The following HORMAD2 variants were observed in gnomAD, a reference collection of about 807,000 sequenced individuals.
HORMAD2 encodes HORMA domain containing 2.
HORMAD2 carries 45 observed loss-of-function variants against 38.8 expected under a neutral mutation model. The observed-to-expected ratio is 1.16, with a 90% CI of 0.91 to 1.49. The LOEUF is 1.49. Ranked by LOEUF, HORMAD2 falls within the 40% of genes most tolerant of loss-of-function variation. The pLI is 0.00. For synonymous variants in HORMAD2, 126 were observed against 122.8 expected (o/e 1.03, Z -0.17); for missense variants, 338 against 367.0 (o/e 0.92, Z 0.65).
chr22:30,173,014 G>GC (rs1926210544), intron 10 of HORMAD2, among the ~76,000 whole-genome samples: 1 of 152,190 alleles, frequency 6.6e-6, no homozygotes, highest in Non-Finnish European at 1.5e-5. Flanking sequence ...AGCTGTGGGG[G>GC]TGTCAGGGAA....
downstream of HORMAD2, among the ~76,000 whole-genome samples, chr22:30,178,691 A>G (rs1360432949): frequency 6.6e-6 from 1 of 152,252 alleles, no homozygotes; most frequent in Non-Finnish European, 1.5e-5. Flanking sequence ...CCATGCTGGG[A>G]TGCCTGAGCT....
the HORMAD2 span, among the ~76,000 whole-genome samples, chr22:30,193,159 A>G: frequency 6.6e-6 from 1 of 152,228 alleles, no homozygotes; most frequent in Admixed American, 6.5e-5. Context: ...ATGGAGAAAT[A>G]TGTCTTAACC....
rs764536571 is a variant in HORMAD2 at position 30,104,438 on chromosome 22, G to T, written c.294+1G>T. 3.1e-6 allele frequency: 5 copies of T among 1,605,118 alleles called. No homozygotes were observed. Among genetic ancestry groups the T allele is most frequent in the Non-Finnish European group, 4.3e-6 (5 of 1,173,724 alleles). ...TTTTGATGCTTTGGAAAAGAGATACGTAAGAATGTTTTTACACTTACACTG... is the reference window on the plus strand; with the variant it reads ...TTTTGATGCTTTGGAAAAGAGATACTTAAGAATGTTTTTACACTTACACTG... On this transcript the variant is annotated splice_donor_variant, in intron 5 of 10. Transcript: ENST00000336726. LOFTEE classifies it high-confidence loss of function.
At chr22:30,097,287 C>T (rs2068799438) in intron 2 of HORMAD2, among the ~76,000 whole-genome samples, 2 of 152,214 alleles carry the variant, frequency 1.3e-5, no homozygotes, top group South Asian at 4.1e-4. Flanking sequence ...TCTTGGTAGA[C>T]ACCCCTTACA....
intron 10 of HORMAD2, among the ~76,000 whole-genome samples, chr22:30,125,755 C>T (rs1016762145): frequency 6.6e-6 from 1 of 151,860 alleles, no homozygotes; most frequent in Non-Finnish European, 1.5e-5. Context: ...TGAAATAGAC[C>T]AGACTTTCTT....
At chr22:30,137,303 C>T (rs1344762467) in intron 10 of HORMAD2, 1 of 522,538 alleles carries the variant, frequency 1.9e-6, no homozygotes, top group Non-Finnish European at 3.7e-6. Context: ...ATTTTGATTC[C>T]TTGAGTCCTG....
chr22:30,080,147 C>T (rs2068442302), upstream of HORMAD2: 1 of 152,400 alleles, frequency 6.6e-6, no homozygotes, highest in Admixed American at 6.5e-5. Flanking sequence ...GCAGGCACCT[C>T]CTCAGGAAGC....
chr22:30,181,263 C>G (rs1569125942), downstream of HORMAD2, among the ~76,000 whole-genome samples: 1 of 152,110 alleles, frequency 6.6e-6, no homozygotes, highest in Admixed American at 6.5e-5. Flanking sequence ...ATCTGCCCAC[C>G]AAAAGTGCTG....
intron 10 of HORMAD2, among the ~76,000 whole-genome samples, chr22:30,139,165 C>T (rs897435429): frequency 6.6e-6 from 1 of 150,652 alleles, no homozygotes; most frequent in Non-Finnish European, 1.5e-5. Flanking sequence ...CCTGCTGGTT[C>T]ACACTGTAGA....
chr22:30,155,038 A>C (rs1471375279), intron 10 of HORMAD2, among the ~76,000 whole-genome samples: 1 of 151,018 alleles, frequency 6.6e-6, no homozygotes, highest in African/African-American at 2.4e-5. Flanking sequence ...ACACCACTAC[A>C]CTCCAGCCTG....
chr22:30,088,978 G>A lies in HORMAD2; in HGVS notation c.-37-4938G>A, dbSNP rs539335963. Among the ~76,000 whole-genome samples the A allele has an allele frequency of 2.7e-4, 41 of 152,122 alleles. No homozygotes were observed. In the South Asian group the frequency reaches 8.1e-3, roughly 30 times the overall value. Reference sequence around the variant, plus strand: ...GTCTCAAATCAAGTAAAGATAGCTTGGAATCTTTAAGGGTTAAAGAACTAT... The same window carrying A: ...GTCTCAAATCAAGTAAAGATAGCTTAGAATCTTTAAGGGTTAAAGAACTAT... On this transcript the variant is annotated intron_variant, in intron 1 of 10. Transcript: ENST00000336726.
Position 30,086,856 on chromosome 22 carries a change from G to A in HORMAD2, c.-38+6365G>A, listed in dbSNP as rs931075037. ...GTTGCCCAGGCTGGAATGCAATGGC[G>A]TGATCTTGGCTCACTGCAACCTCCA... On this transcript the variant is annotated intron_variant, in intron 1 of 10. Coordinates refer to ENST00000336726, the MANE Select transcript of HORMAD2 (RefSeq NM_152510.4). 3.3e-5 allele frequency among the ~76,000 whole-genome samples: 5 copies of A among 152,272 alleles called. No individual in the cohort carries two copies. In the South Asian group the frequency reaches 6.2e-4, roughly 19 times the overall value.
At chr22:30,100,447 A>G (rs969596961) in intron 3 of HORMAD2, among the ~76,000 whole-genome samples, 1 of 152,260 alleles carries the variant, frequency 6.6e-6, no homozygotes, top group African/African-American at 2.4e-5. Flanking sequence ...AGATGGATTA[A>G]AGACTTAAAT....
the HORMAD2 span, among the ~76,000 whole-genome samples, chr22:30,186,559 C>G: frequency 6.6e-6 from 1 of 151,984 alleles, no homozygotes; most frequent in Non-Finnish European, 1.5e-5. Context: ...TGTGAAGACC[C>G]TCTTACTGAT....
intron 10 of HORMAD2, among the ~76,000 whole-genome samples, chr22:30,142,676 T>C (rs936969977): frequency 1.3e-5 from 2 of 152,242 alleles, no homozygotes; most frequent in Non-Finnish European, 1.5e-5. Flanking sequence ...TCATGTTTAA[T>C]GTTACTATTG....
At chr22:30,175,981 C>A in intron 10 of HORMAD2, 82 bp from the exon 11 acceptor site, 1 of 902,636 alleles carries the variant, frequency 1.1e-6, no homozygotes. Context: ...GGGATTAATG[C>A]TTGGTCTACC....
chr22:30,093,915 G>A lies in HORMAD2; in HGVS notation c.-37-1G>A. 6.8e-7 allele frequency: 1 copy of A among 1,463,724 alleles called. No individual in the cohort carries two copies. The highest frequency in any genetic ancestry group is 9.5e-7 in the Non-Finnish European group (1 of 1,056,588). 90.7% of individuals were successfully genotyped at this position (1,463,724 alleles called of 1,614,324 possible). ...CTAATTAATTAATTATTTTTTAATAGGTTGGACTTGTTGAAATAATCCTGA... is the reference window on the plus strand; with the variant it reads ...CTAATTAATTAATTATTTTTTAATAAGTTGGACTTGTTGAAATAATCCTGA... On this transcript the variant is annotated splice_acceptor_variant, in intron 1 of 10. Transcript: ENST00000336726. LOFTEE classifies it low-confidence loss of function (5UTR_SPLICE).
intron 10 of HORMAD2, among the ~76,000 whole-genome samples, chr22:30,143,281 C>G (rs372803731): frequency 3.9e-5 from 6 of 152,142 alleles, no homozygotes; most frequent in Non-Finnish European, 7.3e-5. Context: ...TTTGTTTTCT[C>G]AAGTCGGTTT....
At chr22:30,145,802 A>G (rs775561909) in intron 10 of HORMAD2, among the ~76,000 whole-genome samples, 19 of 152,216 alleles carry the variant, frequency 1.2e-4, no homozygotes, top group Non-Finnish European at 2.1e-4. Flanking sequence ...GAATTATATC[A>G]AATAATCAAG....
Sources: allele counts gnomAD v4.1 joint callset (sites outside exome capture counted in the v4.1 genomes callset), GRCh38; gene constraint gnomAD v4.1.1; transcripts MANE v1.5; gene names NCBI Gene and HGNC (gene_info 2026-07-23, HGNC 2026-07-21).